C6orf118: variants seen among roughly 807,000 people sequenced by gnomAD.
C6orf118 encodes chromosome 6 open reading frame 118.
C6orf118 carries 50 observed loss-of-function variants against 50.2 expected under a neutral mutation model. The ratio of observed to expected loss-of-function variants is 1.00; its 90% CI spans 0.79 to 1.26. C6orf118 has a LOEUF of 1.26. Ranked by LOEUF, C6orf118 falls within the 50% of genes most tolerant of loss-of-function variation. The pLI is 0.00. For synonymous variants in C6orf118, 239 were observed against 230.9 expected, an observed-to-expected ratio of 1.03 and a Z score of -0.32; for missense variants, 641 against 578.7, an observed-to-expected ratio of 1.11 and a Z score of -1.10.
intron 7 of C6orf118, 47 bp from the exon 8 acceptor site, chr6:165,281,740 T>G (rs909479662): frequency 1.5e-5 from 18 of 1,217,004 alleles, no homozygotes; most frequent in Non-Finnish European, 1.9e-5. Context: ...TTAAAAATAT[T>G]TGTTAATTAT....
chr6:165,287,989 C>G (rs1779970651), intron 7 of C6orf118, among the ~76,000 whole-genome samples: 1 of 152,136 alleles, frequency 6.6e-6, no homozygotes, highest in South Asian at 2.1e-4. Flanking sequence ...TCAGAGCAAA[C>G]AGACAACACA....
chr6:165,294,827 G>A (rs942740784), intron 5 of C6orf118, among the ~76,000 whole-genome samples: 1 of 152,094 alleles, frequency 6.6e-6, no homozygotes, highest in African/African-American at 2.4e-5. Context: ...AAGCTGCAGT[G>A]AGCCATGATC....
intron 6 of C6orf118, among the ~76,000 whole-genome samples, chr6:165,292,282 T>C (rs1583010381): frequency 1.3e-5 from 2 of 152,036 alleles, no homozygotes; most frequent in Non-Finnish European, 2.9e-5. Context: ...ATGTGTATGA[T>C]TGGAGGAGCA....
intron 6 of C6orf118, among the ~76,000 whole-genome samples, chr6:165,290,301 G>A (rs1780063903): frequency 6.6e-6 from 1 of 152,074 alleles, no homozygotes; most frequent in South Asian, 2.1e-4. Context: ...TGCAGACACT[G>A]GGCTAGGTAG....
intron 5 of C6orf118, among the ~76,000 whole-genome samples, chr6:165,294,475 C>G (rs1005790304): frequency 4.6e-5 from 7 of 152,060 alleles, no homozygotes; most frequent in African/African-American, 1.4e-4. Context: ...CATCCACATG[C>G]AAATAATTTA....
At chr6:165,291,001 A>T (rs1470238421) in intron 6 of C6orf118, among the ~76,000 whole-genome samples, 2 of 152,194 alleles carry the variant, frequency 1.3e-5, no homozygotes, top group East Asian at 3.9e-4. Flanking sequence ...GCAAAAGGGG[A>T]AACCGCTGAT....
chr6:165,306,900 T>G (rs565511477), intron 1 of C6orf118, among the ~76,000 whole-genome samples: 1 of 149,786 alleles, frequency 6.7e-6, no homozygotes, highest in South Asian at 2.1e-4. Context: ...TTAATCATTT[T>G]CCCATCTGAA....
Position 165,301,696 on chromosome 6 carries a change from G to T in C6orf118, c.626C>A (p.Ala209Asp). The part of the protein sequence containing the change: ...HHYVSSYLAG[A>D]TSADRYRMFL... ...CATCCTGTACCTGTCTGCGCTGGTG[G>T]CTCCGGCCAGGTAGGAGCTGACATA... The change falls in exon 2 of 9, where the codon GCC becomes GAC. Residue 209 changes from alanine (A) to aspartate (D), a missense_variant. Physicochemically the swap from Ala to Asp is moderately radical, Grantham distance 126. Coordinates refer to ENST00000230301, the MANE Select transcript of C6orf118 (RefSeq NM_144980.4). 1.2e-6 allele frequency: 2 copies of T among 1,614,150 alleles called. No individual in the cohort carries two copies. Among genetic ancestry groups the T allele is most frequent in the African/African-American group, 2.7e-5 (2 of 75,034 alleles).
chr6:165,306,217 C>A (rs1452967622), intron 1 of C6orf118, among the ~76,000 whole-genome samples: 1 of 35,172 alleles, frequency 2.8e-5, no homozygotes, highest in Non-Finnish European at 5.3e-5. Context: ...AGTAAACTAT[C>A]GCAAGAACAA....
chr6:165,300,084 TAA>T (rs1361265613), intron 3 of C6orf118, among the ~76,000 whole-genome samples: 1 of 151,946 alleles, frequency 6.6e-6, no homozygotes, highest in African/African-American at 2.4e-5. Flanking sequence ...GAATTATAAT[TAA>T]GTTATATAAA....
chr6:165,293,311 A>C, intron 6 of C6orf118, 102 bp downstream of exon 6: 1 of 1,031,132 alleles, frequency 9.7e-7, no homozygotes, highest in Non-Finnish European at 1.5e-6. Flanking sequence ...AGGGAGCATC[A>C]GCATCTTCCA....
chr6:165,303,125 T>C (rs1780621992), intron 1 of C6orf118, among the ~76,000 whole-genome samples: 1 of 152,182 alleles, frequency 6.6e-6, no homozygotes. Context: ...GGCCCATCCA[T>C]ACCCTCCTCA....
chr6:165,283,230 G>A (rs1182835366), intron 7 of C6orf118, among the ~76,000 whole-genome samples: 6 of 152,194 alleles, frequency 3.9e-5, no homozygotes, highest in Non-Finnish European at 8.8e-5. Flanking sequence ...GGCCCACCTG[G>A]GAGCCGCAAG....
chr6:165,301,559 C>T lies in C6orf118; in HGVS notation c.753+10G>A. The T allele has an allele frequency of 1.9e-6, 3 of 1,604,684 alleles. No homozygotes were observed. Among genetic ancestry groups the T allele is most frequent in the South Asian group, 2.2e-5 (2 of 89,790 alleles). On this transcript the variant is annotated intron_variant, in intron 2 of 8. Coordinates refer to ENST00000230301, the MANE Select transcript of C6orf118 (RefSeq NM_144980.4). ...CTTCCCTGAGACCACCGCAGGGCTG[C>T]CCTCCTCACCTGCTGCAGCTTTCTC... is the stretch of plus-strand genomic sequence containing the variant.
chr6:165,300,392 A>G lies in C6orf118; in HGVS notation c.848T>C (p.Ile283Thr). ...AACTTTTTTCAAGAGATCACCAAAT[A>G]TCAAAGAACTGTTACAAATATCTTC... ...VFEDICNSSL[I>T]FGDLLKKVKD... Residue 283 changes from isoleucine (I) to threonine (T), a missense_variant, in exon 3 of 9, where the codon ATA (isoleucine) becomes ACA (threonine). Ile to Thr is a moderately conservative substitution (Grantham distance 89, BLOSUM62 -1). Coordinates refer to ENST00000230301, the MANE Select transcript of C6orf118 (RefSeq NM_144980.4). 2 of 1,614,052 alleles carry G rather than the reference A, an allele frequency of 1.2e-6. No homozygotes were observed. Among genetic ancestry groups the G allele is most frequent in the Non-Finnish European group, 1.7e-6 (2 of 1,179,882 alleles).
At chr6:165,307,613 T>G (rs1780791319) in intron 1 of C6orf118, among the ~76,000 whole-genome samples, 1 of 152,164 alleles carries the variant, frequency 6.6e-6, no homozygotes, top group Non-Finnish European at 1.5e-5. Flanking sequence ...TCTGGGAAAC[T>G]GAGAATCCCA....
chr6:165,291,333 G>T (rs1780097664), intron 6 of C6orf118, among the ~76,000 whole-genome samples: 1 of 152,218 alleles, frequency 6.6e-6, no homozygotes, highest in African/African-American at 2.4e-5. Flanking sequence ...TAGCTCAGTT[G>T]TAGCTAGAAA....
At chr6:165,298,250 A>T in intron 4 of C6orf118, 149 bp from the exon 5 acceptor site, 239 of 718,260 alleles carry the variant, frequency 3.3e-4, no homozygotes, top group Middle Eastern at 1.1e-3. Context: ...GATTTAAGGG[A>T]GGGAGGGCCG....
At chr6:165,282,225 C>A (rs556581374) in intron 7 of C6orf118, among the ~76,000 whole-genome samples, 3 of 152,208 alleles carry the variant, frequency 2.0e-5, no homozygotes, top group South Asian at 2.1e-4. Context: ...AAAGCTGTCA[C>A]TTTCTCCCAA....
Sources: gnomAD v4.1 joint callset for allele counts (sites outside exome capture counted in the v4.1 genomes callset) on GRCh38, gnomAD v4.1.1 for gene constraint, MANE v1.5 for transcripts, NCBI Gene and HGNC (gene_info 2026-07-23, HGNC 2026-07-21) for gene names.